The following IPP variants were observed in gnomAD, a reference collection of about 807,000 sequenced individuals.
The protein encoded by IPP is intracisternal A particle-promoted polypeptide, also known as actin-binding protein IPP.
A neutral mutation model predicts 64.1 loss-of-function variants in IPP; 41 were observed. The ratio of observed to expected loss-of-function variants is 0.64; its 90% CI spans 0.50 to 0.83. IPP has a LOEUF of 0.83. Ranked by LOEUF, IPP falls within the 40% of genes least tolerant of loss-of-function variation. IPP has a pLI of 0.00. For missense variants in IPP, 649 were observed against 703.0 expected, an observed-to-expected ratio of 0.92 and a Z score of 0.87; for synonymous variants, 214 against 235.2, an observed-to-expected ratio of 0.91 and a Z score of 0.83.
At chr1:45,729,055 A>G (rs1035781238) in intron 4 of IPP, among the ~76,000 whole-genome samples, 3 of 151,302 alleles carry the variant, frequency 2.0e-5, no homozygotes, top group African/African-American at 7.3e-5. Flanking sequence ...CTGAGGCAGT[A>G]GAATCGCTTG....
At chr1:45,702,590 G>A (rs1213713948) in intron 8 of IPP, among the ~76,000 whole-genome samples, 1 of 152,028 alleles carries the variant, frequency 6.6e-6, no homozygotes, top group Non-Finnish European at 1.5e-5. Flanking sequence ...AAGTAGCTAG[G>A]ATTACAGGTG....
At chr1:45,717,776 G>A (rs1645681135) in intron 6 of IPP, among the ~76,000 whole-genome samples, 1 of 152,092 alleles carries the variant, frequency 6.6e-6, no homozygotes, top group Non-Finnish European at 1.5e-5. Context: ...GCCTCCCAAA[G>A]TGCTGGGATT....
intron 8 of IPP, among the ~76,000 whole-genome samples, chr1:45,706,469 G>T (rs937317963): frequency 1.3e-5 from 2 of 151,894 alleles, no homozygotes; most frequent in African/African-American, 4.8e-5. Flanking sequence ...TTTTTTCCAA[G>T]ATGGAGTTTC....
intron 3 of IPP, among the ~76,000 whole-genome samples, chr1:45,732,534 G>A (rs770518245): frequency 6.6e-6 from 1 of 151,980 alleles, no homozygotes; most frequent in Non-Finnish European, 1.5e-5. Context: ...TGATGTGGAG[G>A]AAAAGCTTGA....
chr1:45,748,661 G>T (rs1474268899), intron 1 of IPP, among the ~76,000 whole-genome samples: 1 of 151,668 alleles, frequency 6.6e-6, no homozygotes, highest in African/African-American at 2.4e-5. Context: ...AACAGAGCAA[G>T]ACCGTGTCTC....
intron 2 of IPP, among the ~76,000 whole-genome samples, chr1:45,743,129 G>A (rs61062981): frequency 0.28 from 42,680 of 151,188 alleles, 6,141 homozygotes; most frequent in South Asian, 0.36. Context: ...GTAGGGACGA[G>A]GTTTCACCAT....
At chr1:45,728,391 A>G (rs1420413944) in intron 4 of IPP, among the ~76,000 whole-genome samples, 1 of 151,912 alleles carries the variant, frequency 6.6e-6, no homozygotes, top group East Asian at 1.9e-4. Flanking sequence ...ATTATCTCAT[A>G]CATAAGGTAC....
At chr1:45,724,628 G>A (rs1241051839) in intron 5 of IPP, among the ~76,000 whole-genome samples, 2 of 148,604 alleles carry the variant, frequency 1.3e-5, no homozygotes, top group African/African-American at 5.0e-5. Flanking sequence ...CCTCTGCCCC[G>A]CCGCCCTGTC....
intron 5 of IPP, among the ~76,000 whole-genome samples, chr1:45,723,631 C>G (rs1569996982): frequency 6.6e-6 from 1 of 152,036 alleles, no homozygotes; most frequent in South Asian, 2.1e-4. Context: ...TTCTAATTTC[C>G]TTGTTGGAAT....
chr1:45,703,043 A>G (rs964618460), intron 8 of IPP, among the ~76,000 whole-genome samples: 2 of 152,080 alleles, frequency 1.3e-5, no homozygotes, highest in African/African-American at 4.8e-5. Context: ...CAATGAAAAA[A>G]AATGCATCTA....
chr1:45,742,207 G>A (rs1646075758), intron 2 of IPP, among the ~76,000 whole-genome samples: 1 of 151,960 alleles, frequency 6.6e-6, no homozygotes, highest in African/African-American at 2.4e-5. Flanking sequence ...ATACACATTC[G>A]GGCCTACTTG....
chr1:45,733,432 C>CATAA (rs376977849), intron 3 of IPP, among the ~76,000 whole-genome samples: 2,910 of 145,634 alleles, frequency 0.02, 66 homozygotes, highest in African/African-American at 0.058. Context: ...CTCAAAAAAA[C>CATAA]ATAAATAAAT....
chr1:45,746,147 G>C lies in IPP; in HGVS notation c.265C>G (p.Gln89Glu). Reference protein sequence around the residue: ...PILGIEAGIFQILLDFIYTGI... With the variant: ...PILGIEAGIFEILLDFIYTGI... ...GTGTAAATGAAATCTAGAAGTATCT[G>C]AAAGATTCCTGCTTCAATTCCTAGA... Residue 89 changes from glutamine to glutamate, a missense_variant, in exon 2 of 9, where the codon CAG (glutamine) becomes GAG (glutamate). Physicochemically the swap from Gln to Glu is conservative, Grantham distance 29. Transcript: ENST00000396478. The C allele has an allele frequency of 6.2e-7, 1 of 1,613,876 alleles. No homozygotes were observed. Among genetic ancestry groups the C allele is most frequent in the Non-Finnish European group, 8.5e-7 (1 of 1,179,774 alleles).
chr1:45,706,520 G>C (rs1172536453), intron 8 of IPP, among the ~76,000 whole-genome samples: 1 of 152,090 alleles, frequency 6.6e-6, no homozygotes. Context: ...CGTGATCCCA[G>C]CTCACTGCAA....
downstream of IPP, among the ~76,000 whole-genome samples, chr1:45,696,213 A>G (rs1344671683): frequency 6.6e-6 from 1 of 152,240 alleles, no homozygotes; most frequent in Non-Finnish European, 1.5e-5. Context: ...ATGCTTCTTT[A>G]AGAAAACTGA....
intron 6 of IPP, 44 bp from the exon 7 acceptor site, chr1:45,717,061 CT>C: frequency 6.3e-7 from 1 of 1,592,166 alleles, no homozygotes; most frequent in Non-Finnish European, 8.6e-7. Context: ...ATAAAAGATT[CT>C]TATTTATGAC....
chr1:45,726,603 T>C (rs773367864), intron 5 of IPP, among the ~76,000 whole-genome samples: 41 of 152,176 alleles, frequency 2.7e-4, no homozygotes, highest in Non-Finnish European at 4.9e-4. Flanking sequence ...TCCTACTATT[T>C]TGTTGACTTG....
intron 3 of IPP, among the ~76,000 whole-genome samples, chr1:45,739,956 A>C (rs1205740821): frequency 1.3e-5 from 2 of 152,072 alleles, no homozygotes; most frequent in Non-Finnish European, 2.9e-5. Context: ...TTTTCTAGGC[A>C]GAGGACCCTG....
chr1:45,699,707 G>T lies in IPP; in HGVS notation c.*259C>A, dbSNP rs2148544549. 1.8e-6 allele frequency: 2 copies of T among 1,133,282 alleles called. No individual in the cohort carries two copies. The highest frequency in any genetic ancestry group is 1.6e-5 in the African/African-American group (1 of 64,080). 70.2% of individuals were successfully genotyped at this position (1,133,282 alleles called of 1,614,324 possible). A position where few individuals can be genotyped will look rare whatever the true frequency, so the allele number is the denominator to read the frequency against. On this transcript the variant is annotated 3_prime_UTR_variant, in exon 9 of 9. Coordinates refer to ENST00000396478, the MANE Select transcript of IPP (RefSeq NM_005897.3). The stretch of plus-strand genomic sequence containing the variant: ...AGACAGGATCTCATTCTGTTGCCCA[G>T]AGTGGAGTGCAGTGGCATGATCGTA...
Sources: gnomAD v4.1 joint callset for allele counts (sites outside exome capture counted in the v4.1 genomes callset) on GRCh38, gnomAD v4.1.1 for gene constraint, MANE v1.5 for transcripts, NCBI Gene and HGNC (gene_info 2026-07-23, HGNC 2026-07-21) for gene names.